OR7A5: variants seen among roughly 807,000 people sequenced by gnomAD.
The protein encoded by OR7A5 is olfactory receptor 7A5.
For synonymous variants in OR7A5, 140 were observed against 146.7 expected, an observed-to-expected ratio of 0.95 and a Z score of 0.33; for missense variants, 319 against 377.9, an observed-to-expected ratio of 0.84 and a Z score of 1.29.
chr19:14,832,616 G>A (rs1049293978), intron 1 of OR7A5, among the ~76,000 whole-genome samples: 10 of 151,484 alleles, frequency 6.6e-5, no homozygotes, highest in Admixed American at 5.3e-4. Flanking sequence ...TAATAGAGTC[G>A]GGGTTTCACC....
intron 1 of OR7A5, among the ~76,000 whole-genome samples, chr19:14,832,887 A>G (rs967681423): frequency 6.6e-6 from 1 of 151,846 alleles, no homozygotes; most frequent in Admixed American, 6.5e-5. Flanking sequence ...CTATAATAAT[A>G]ATTTAATCAT....
chr19:14,827,672 A>G lies in OR7A5; in HGVS notation c.570T>C (p.Ser190=). 6.2e-7 allele frequency: 1 copy of G among 1,614,236 alleles called. No homozygotes were observed. The highest frequency in any genetic ancestry group is 8.5e-7 in the Non-Finnish European group (1 of 1,180,040). ...TCACCATGTGATTAAGAAAGCTATC[A>G]GAACAAGCAAGTTGGATGACCTGAT... ...ELNQVIQLAC[S]DSFLNHMVIY... The change falls in exon 2 of 2, where the codon TCT becomes TCC. Residue 190 remains serine, a synonymous_variant. Transcript: ENST00000322301.
chr19:14,829,955 C>T (rs138431175), intron 1 of OR7A5, among the ~76,000 whole-genome samples: 1 of 152,324 alleles, frequency 6.6e-6, no homozygotes, highest in Non-Finnish European at 1.5e-5. Flanking sequence ...TTCAACCACC[C>T]AGGCTCAAGC....
intron 1 of OR7A5, 41 bp downstream of exon 1, chr19:14,835,033 C>T (rs1304270770): frequency 6.6e-6 from 1 of 152,234 alleles, no homozygotes; most frequent in Non-Finnish European, 1.5e-5. Context: ...TCTATTCCAT[C>T]TATTGTTTTC....
intron 1 of OR7A5, among the ~76,000 whole-genome samples, chr19:14,828,904 G>C (rs1420988009): frequency 6.6e-6 from 1 of 150,462 alleles, no homozygotes; most frequent in African/African-American, 2.4e-5. Context: ...ACAATCTAAT[G>C]ATGAAGAAAG....
chr19:14,827,558 G>A lies in OR7A5; in HGVS notation c.684C>T (p.Ile228=), dbSNP rs781505112. ...YSKIISSIHA[I]SSAQGKYKAF... ...CCTTGTACTTCCCCTGAGCTGATGA[G>A]ATTGCATGTATGGAAGAAATTATCT... The change falls in exon 2 of 2, where the codon ATC becomes ATT. Residue 228 remains isoleucine, a synonymous_variant. Coordinates refer to ENST00000322301, the MANE Select transcript of OR7A5 (RefSeq NM_017506.2). 8 of 1,614,162 alleles carry A rather than the reference G, an allele frequency of 5.0e-6. No homozygotes were observed. In the Admixed American group the frequency reaches 1.0e-4, roughly 20 times the overall value.
chr19:14,827,404 C>T lies in OR7A5; in HGVS notation c.838G>A (p.Val280Met), dbSNP rs775069458. Residue 280 changes from valine to methionine, a missense_variant, in exon 2 of 2, where the codon GTG becomes ATG. Coordinates refer to ENST00000322301, the MANE Select transcript of OR7A5 (RefSeq NM_017506.2). ...AAGGGGTTCAGCATGGGGGTGACCACAGTGTACATCACTGAGGCTGTTGCA... is the reference window on the plus strand; with the variant it reads ...AAGGGGTTCAGCATGGGGGTGACCATAGTGTACATCACTGAGGCTGTTGCA... ...SSATASVMYT[V>M]VTPMLNPFIY... 6.2e-7 allele frequency: 1 copy of T among 1,614,088 alleles called. No homozygotes were observed. The highest frequency in any genetic ancestry group is 8.5e-7 in the Non-Finnish European group (1 of 1,179,998).
In OR7A5 at chr19:14,828,074, G is replaced by A; in HGVS notation, c.168C>T (p.His56=). The A allele has an allele frequency of 1.2e-6, 2 of 1,614,206 alleles. No homozygotes were observed. The highest frequency in any genetic ancestry group is 1.7e-6 in the Non-Finnish European group (2 of 1,180,032). ...ILATISDSHL[H]TPMYFFLSNL... is the part of the protein sequence containing the mutation. ...TGGAGAGGAAGAAGTACATGGGGGT[G>A]TGGAGGTGGGAGTCTGAGATTGTGG... The change falls in exon 2 of 2, where the codon CAC becomes CAT. Residue 56 remains histidine (H), a synonymous_variant. Transcript: ENST00000322301.
rs764462655 is a variant in OR7A5, at chr19:14,827,768, T to C, written c.474A>G (p.Leu158=). 1.9e-6 allele frequency: 3 copies of C among 1,614,142 alleles called. No individual in the cohort carries two copies. The highest frequency in any genetic ancestry group is 1.1e-5 in the South Asian group (1 of 91,076). ...SWTMSALYSL[L]QILMVVRLSF... is the part of the protein sequence containing the mutation. Reference sequence around the variant, plus strand: ...ACAGCCGTACTACCATTAAGATTTGTAGCAAGGAATACAGAGCACTCATGG... The same window carrying C: ...ACAGCCGTACTACCATTAAGATTTGCAGCAAGGAATACAGAGCACTCATGG... Residue 158 remains leucine (L), a synonymous_variant, in exon 2 of 2, where the codon CTA becomes CTG. Transcript: ENST00000322301.
At chr19:14,833,106 T>G (rs1309620632) in intron 1 of OR7A5, among the ~76,000 whole-genome samples, 2 of 152,232 alleles carry the variant, frequency 1.3e-5, no homozygotes, top group Admixed American at 1.3e-4. Context: ...ATAAATGCTG[T>G]CATAAACAGC....
At chr19:14,829,350 T>C (rs899499609) in intron 1 of OR7A5, among the ~76,000 whole-genome samples, 5 of 152,182 alleles carry the variant, frequency 3.3e-5, no homozygotes, top group Admixed American at 3.3e-4. Context: ...ATTACAGGCA[T>C]GCACCACCAC....
chr19:14,827,538 T>C lies in OR7A5; in HGVS notation c.704A>G (p.Tyr235Cys). ...IHAISSAQGKYKAFSTCASHL... is the reference protein window; with the variant it reads ...IHAISSAQGKCKAFSTCASHL... The stretch of plus-strand genomic sequence containing the variant: ...AGATGCACAGGTGGAAAATGCCTTG[T>C]ACTTCCCCTGAGCTGATGAGATTGC... The change falls in exon 2 of 2, where the codon TAC becomes TGC. Residue 235 changes from tyrosine (Y) to cysteine (C), a missense_variant. Transcript: ENST00000322301. 6.2e-7 allele frequency: 1 copy of C among 1,614,154 alleles called. No homozygotes were observed. The highest frequency in any genetic ancestry group is 1.1e-5 in the South Asian group (1 of 91,076).
intron 1 of OR7A5, among the ~76,000 whole-genome samples, chr19:14,833,460 CA>C (rs1568255697): frequency 6.6e-6 from 1 of 152,194 alleles, no homozygotes; most frequent in East Asian, 1.9e-4. Flanking sequence ...TCCTGGTTGA[CA>C]GGGCGAGACT....
intron 1 of OR7A5, among the ~76,000 whole-genome samples, chr19:14,828,787 A>AAAAAAAAAAAAAAAAAAAAAAG (rs2044802056): frequency 7.1e-6 from 1 of 141,444 alleles, no homozygotes; most frequent in African/African-American, 2.6e-5. Context: ...AAAAAAAAAA[A>AAAAAAAAAAAAAAAAAAAAAAG]GAATGAGAAC....
At position 14,828,197 on chromosome 19, in the gene OR7A5, C is replaced by T. The variant is rs748110871; in HGVS notation, c.45G>A (p.Leu15=). The change falls in exon 2 of 2, where the codon CTG becomes CTA. Residue 15 remains leucine, a synonymous_variant. Transcript: ENST00000322301. ...GCAGTCCAGGTTCTTGTGAAAATCC[C>T]AGAAGAAGAAATTCTGAAATTTGTG... ...NDTQISEFLL[L]GFSQEPGLQP... The T allele has an allele frequency of 6.2e-7, 1 of 1,613,188 alleles. No individual in the cohort carries two copies. The highest frequency in any genetic ancestry group is 1.7e-5 in the Admixed American group (1 of 59,938).
At position 14,826,615 on chromosome 19, in the gene OR7A5, A is replaced by C. The variant is rs2145074753; in HGVS notation, c.*667T>G. ...ATGATTGACAATTTTACTCCATCATATTTAAGGTCATCTCTGACTGTAAGT... is the reference window on the plus strand; with the variant it reads ...ATGATTGACAATTTTACTCCATCATCTTTAAGGTCATCTCTGACTGTAAGT... On this transcript the variant is annotated 3_prime_UTR_variant, in exon 2 of 2. Coordinates refer to ENST00000322301, the MANE Select transcript of OR7A5 (RefSeq NM_017506.2). The C allele has an allele frequency of 6.6e-6, 1 of 152,322 alleles. No individual in the cohort carries two copies. Among genetic ancestry groups the C allele is most frequent in the South Asian group, 2.1e-4 (1 of 4,826 alleles). The allele number at this position is 152,322 out of a possible 1,614,324, so 9.4% of individuals were successfully genotyped here.
intron 1 of OR7A5, among the ~76,000 whole-genome samples, chr19:14,828,981 C>T (rs1446618746): frequency 6.6e-6 from 1 of 151,960 alleles, no homozygotes; most frequent in Non-Finnish European, 1.5e-5. Flanking sequence ...CAGATGGGAA[C>T]AGGCGCTTGG....
intron 1 of OR7A5, among the ~76,000 whole-genome samples, chr19:14,832,173 G>A (rs1178675897): frequency 6.6e-6 from 1 of 152,184 alleles, no homozygotes; most frequent in Non-Finnish European, 1.5e-5. Context: ...GCCTCCCAAA[G>A]TGCTGGAATT....
chr19:14,829,265 G>T (rs192685447), intron 1 of OR7A5, among the ~76,000 whole-genome samples: 32 of 152,290 alleles, frequency 2.1e-4, no homozygotes, highest in Non-Finnish European at 1.5e-4. Flanking sequence ...GCGCAGTGGC[G>T]CAATCTCAGA....
Sources: allele counts gnomAD v4.1 joint callset (sites outside exome capture counted in the v4.1 genomes callset), GRCh38; gene constraint gnomAD v4.1.1; transcripts MANE v1.5; gene names NCBI Gene and HGNC (gene_info 2026-07-23, HGNC 2026-07-21).